Variants in EEA1 observed in about 807,000 individuals in gnomAD.
EEA1 encodes early endosome antigen 1, 162kD.
Under a neutral mutation model 209.2 loss-of-function variants are expected in EEA1, and 111 were observed. The ratio of observed to expected loss-of-function variants is 0.53; its 90% CI spans 0.45 to 0.62. EEA1 has a LOEUF of 0.62. Among genes scored for constraint, EEA1 ranks in the 20% least tolerant of loss-of-function variants. EEA1 has a pLI of 0.00. For missense variants in EEA1, 1,343 were observed against 1,530.8 expected, an observed-to-expected ratio of 0.88 and a Z score of 2.05; for synonymous variants, 536 against 540.6, an observed-to-expected ratio of 0.99 and a Z score of 0.12.
At chr12:92,859,015 C>A (rs1878012916) in intron 3 of EEA1, 2 of 679,280 alleles carry the variant, frequency 2.9e-6, no homozygotes, top group East Asian at 5.0e-5. Context: ...TAAAGGAGGT[C>A]TGTGCAGAAC....
intron 5 of EEA1, among the ~76,000 whole-genome samples, chr12:92,856,488 C>T (rs1283410237): frequency 6.6e-6 from 1 of 152,024 alleles, no homozygotes; most frequent in East Asian, 1.9e-4. Flanking sequence ...TACAAATACA[C>T]ATTTTTTAGT....
chr12:92,882,521 G>C (rs1009934398), intron 2 of EEA1, among the ~76,000 whole-genome samples: 3 of 149,860 alleles, frequency 2.0e-5, no homozygotes, highest in African/African-American at 7.4e-5. Context: ...TGTCACCCAG[G>C]TACTAAGTAT....
intron 2 of EEA1, chr12:92,884,327 G>C: frequency 7.7e-7 from 1 of 1,300,058 alleles, no homozygotes. Flanking sequence ...GCAAGAGATG[G>C]CTAGGGCTTT....
In EEA1 at chr12:92,773,298, T is replaced by C. The variant is rs1466644690; in HGVS notation, c.*2713A>G. 1 of 152,182 alleles carries C rather than the reference T, an allele frequency of 6.6e-6. No homozygotes were observed. The highest frequency in any genetic ancestry group is 1.5e-5 in the Non-Finnish European group (1 of 67,700). 9.4% of individuals were successfully genotyped at this position (152,182 alleles called of 1,614,324 possible). A position where few individuals can be genotyped will look rare whatever the true frequency, so the allele number is the denominator to read the frequency against. On this transcript the variant is annotated 3_prime_UTR_variant, in exon 29 of 29. Transcript: ENST00000322349. The stretch of plus-strand genomic sequence containing the variant: ...TTCTCAAAACTATATAAAATAATCA[T>C]AAAGACTTTTTTAAGAGAGATGGGA...
intron 2 of EEA1, chr12:92,883,727 G>A: frequency 9.3e-7 from 1 of 1,079,644 alleles, no homozygotes; most frequent in Non-Finnish European, 1.4e-6. Flanking sequence ...TCTGCCCGCG[G>A]ACGCCACTGA....
chr12:92,902,334 A>G (rs2136766561), intron 1 of EEA1, among the ~76,000 whole-genome samples: 1 of 152,352 alleles, frequency 6.6e-6, no homozygotes, highest in Non-Finnish European at 1.5e-5. Context: ...AAGTTCAGTA[A>G]TAAGAACCAA....
intron 22 of EEA1, among the ~76,000 whole-genome samples, chr12:92,784,289 A>C (rs1388450424): frequency 1.3e-5 from 2 of 152,202 alleles, no homozygotes; most frequent in East Asian, 3.8e-4. Flanking sequence ...ATGCACAGAA[A>C]AACAGTGAGT....
intron 13 of EEA1, among the ~76,000 whole-genome samples, chr12:92,822,174 TCTCCCC>T (rs1195569495): frequency 6.6e-6 from 1 of 151,942 alleles, no homozygotes; most frequent in Non-Finnish European, 1.5e-5. Context: ...CTCAGTTGCC[TCTCCCC>T]CAATATCCTT....
chr12:92,874,684 T>C (rs938556124), intron 2 of EEA1, among the ~76,000 whole-genome samples: 6 of 152,232 alleles, frequency 3.9e-5, no homozygotes, highest in African/African-American at 1.4e-4. Flanking sequence ...ATTGCCACCA[T>C]AGCTTTAGGC....
chr12:92,839,615 A>G (rs1421681851), intron 10 of EEA1, among the ~76,000 whole-genome samples: 1 of 152,196 alleles, frequency 6.6e-6, no homozygotes, highest in Non-Finnish European at 1.5e-5. Context: ...TTCTTGCTGA[A>G]TTCTTTTGTT....
Position 92,852,240 on chromosome 12 carries a change from C to T in EEA1, c.577G>A (p.Val193Met). Reference protein sequence around the residue: ...RSLREAAEQKVTRLTEELNKE... With the variant: ...RSLREAAEQKMTRLTEELNKE... ...TTTAATTCTTCTGTCAGACGTGTCA[C>T]TTTTTGTTCAGCAGCTTCTCGAAGA... Residue 193 changes from valine (V) to methionine (M), a missense_variant, in exon 8 of 29, where the codon GTG (valine) becomes ATG (methionine). By Grantham distance (21) the Val-to-Met change is conservative. Coordinates refer to ENST00000322349, the MANE Select transcript of EEA1 (RefSeq NM_003566.4). The T allele has an allele frequency of 1.2e-6, 2 of 1,602,792 alleles. No individual in the cohort carries two copies. The highest frequency in any genetic ancestry group is 1.7e-6 in the Non-Finnish European group (2 of 1,174,818).
At chr12:92,816,461 C>A in intron 14 of EEA1, 61 bp from the exon 15 acceptor site, 1 of 1,483,020 alleles carries the variant, frequency 6.7e-7, no homozygotes, top group Non-Finnish European at 9.3e-7. Flanking sequence ...ATTCAGAAAC[C>A]TAAATTTAAG....
rs147629617 is a variant in EEA1, at chr12:92,827,989, G to C, written c.1327C>G (p.Leu443Val). The C allele has an allele frequency of 1.5e-3, 2,463 of 1,602,504 alleles. 5 individuals are homozygous for C. Among genetic ancestry groups the C allele is most frequent in the Non-Finnish European group, 1.9e-3 (2,284 of 1,175,502 alleles). The change falls in exon 12 of 29, where the codon CTT becomes GTT. Residue 443 changes from leucine to valine, a missense_variant. By Grantham distance (32) the Leu-to-Val change is conservative. This residue lies in a region of EEA1 where 1,307 missense variants were observed against 1,465.5 expected (regional missense o/e 0.89). Coordinates refer to ENST00000322349, the MANE Select transcript of EEA1 (RefSeq NM_003566.4). ...AHGRLKEQRQLSSEKLMDKEQ... is the reference protein window; with the variant it reads ...AHGRLKEQRQVSSEKLMDKEQ... ...TTATCCATCAACTTTTCACTTGAAAGCTGTCTCTGTTCCTTCAGCCTACCA... is the reference window on the plus strand; with the variant it reads ...TTATCCATCAACTTTTCACTTGAAACCTGTCTCTGTTCCTTCAGCCTACCA...
At chr12:92,813,320 G>A (rs1195618416) in intron 15 of EEA1, among the ~76,000 whole-genome samples, 3 of 152,172 alleles carry the variant, frequency 2.0e-5, no homozygotes, top group African/African-American at 7.2e-5. Context: ...ATATCCTCAT[G>A]TGATTCCAAA....
At chr12:92,806,942 A>ATTTTTTTTTTTTTTTTTTT (rs34717047) in intron 18 of EEA1, among the ~76,000 whole-genome samples, 8 of 147,462 alleles carry the variant, frequency 5.4e-5, no homozygotes, top group African/African-American at 2.0e-4. Flanking sequence ...TTTTTTAATA[A>ATTTTTTTTTTTTTTTTTTT]TTTTTTTTTT....
At chr12:92,866,727 T>G (rs1184638012) in intron 2 of EEA1, among the ~76,000 whole-genome samples, 2 of 152,082 alleles carry the variant, frequency 1.3e-5, no homozygotes, top group Non-Finnish European at 2.9e-5. Flanking sequence ...TTCTGGATCT[T>G]TAACAACATA....
chr12:92,879,662 A>G (rs1347941713), intron 2 of EEA1, among the ~76,000 whole-genome samples: 1 of 152,198 alleles, frequency 6.6e-6, no homozygotes, highest in African/African-American at 2.4e-5. Flanking sequence ...TCAGTGGTAA[A>G]AACCTTAAAT....
intron 1 of EEA1, among the ~76,000 whole-genome samples, chr12:92,910,659 A>G (rs768040864): frequency 1.3e-5 from 2 of 152,202 alleles, no homozygotes; most frequent in Non-Finnish European, 2.9e-5. Flanking sequence ...TTAAAATGTC[A>G]GCTCTTCAAA....
intron 22 of EEA1, among the ~76,000 whole-genome samples, chr12:92,785,942 G>A (rs1874113842): frequency 6.6e-6 from 1 of 152,042 alleles, no homozygotes; most frequent in Non-Finnish European, 1.5e-5. Flanking sequence ...AAAAATCGCT[G>A]GCTTAATGAA....
Sources: allele counts gnomAD v4.1 joint callset (sites outside exome capture counted in the v4.1 genomes callset), GRCh38; gene constraint gnomAD v4.1.1; regional missense constraint gnomAD v4.1.1; transcripts MANE v1.5; gene names NCBI Gene and HGNC (gene_info 2026-07-23, HGNC 2026-07-21).